The following MCF2L2 variants were observed in gnomAD, a reference collection of about 807,000 sequenced individuals.
MCF2L2 encodes the protein probable guanine nucleotide exchange factor MCF2L2.
Under a neutral mutation model 150.2 loss-of-function variants are expected in MCF2L2, and 102 were observed. The observed-to-expected ratio is 0.68, with a 90% CI of 0.58 to 0.80. The LOEUF is 0.80. Among genes scored for constraint, MCF2L2 ranks in the 30% least tolerant of loss-of-function variants. The probability of loss-of-function intolerance (pLI) is 0.00; values close to 1 mark genes in which losing one functional copy is unlikely to be tolerated. For missense variants in MCF2L2, 1,256 were observed against 1,372.8 expected (o/e 0.91, Z 1.34); for synonymous variants, 465 against 491.3 (o/e 0.95, Z 0.71).
At chr3:183,269,894 G>A in intron 15 of MCF2L2, 1 of 1,613,056 alleles carries the variant, frequency 6.2e-7, no homozygotes, top group Non-Finnish European at 8.5e-7. Context: ...TGTTTTTTTG[G>A]GAACCAATCG....
intron 2 of MCF2L2, among the ~76,000 whole-genome samples, chr3:183,382,148 T>C (rs1171705810): frequency 6.6e-6 from 1 of 152,034 alleles, no homozygotes; most frequent in Non-Finnish European, 1.5e-5. Context: ...AACCTCCGCC[T>C]CCCAGGTTCA....
At chr3:183,357,869 G>A (rs188538061) in intron 3 of MCF2L2, among the ~76,000 whole-genome samples, 5 of 150,434 alleles carry the variant, frequency 3.3e-5, no homozygotes, top group South Asian at 2.1e-4. Flanking sequence ...AAAAAAGGCC[G>A]GCAGACACCC....
intron 21 of MCF2L2, among the ~76,000 whole-genome samples, chr3:183,218,760 G>A (rs944147781): frequency 2.0e-5 from 3 of 151,736 alleles, no homozygotes; most frequent in South Asian, 2.1e-4. Flanking sequence ...CCTTCCTTCC[G>A]CTAACCCTCC....
intron 25 of MCF2L2, among the ~76,000 whole-genome samples, chr3:183,196,807 C>G (rs1722097608): frequency 6.6e-6 from 1 of 152,156 alleles, no homozygotes. Context: ...TTCTTTTTAT[C>G]TAAACCACGT....
chr3:183,293,875 A>T (rs1301531607), intron 13 of MCF2L2, among the ~76,000 whole-genome samples: 2 of 152,002 alleles, frequency 1.3e-5, no homozygotes, highest in Admixed American at 6.6e-5. Flanking sequence ...GGTTAAAAAA[A>T]TGTTAAATGC....
At chr3:183,401,581 C>T (rs1282852031) in intron 1 of MCF2L2, among the ~76,000 whole-genome samples, 2 of 152,196 alleles carry the variant, frequency 1.3e-5, no homozygotes, top group Non-Finnish European at 2.9e-5. Flanking sequence ...CAGAAGATAC[C>T]TTCAAGTCCC....
intron 3 of MCF2L2, among the ~76,000 whole-genome samples, chr3:183,362,774 C>T (rs763304686): frequency 3.3e-5 from 5 of 151,928 alleles, no homozygotes; most frequent in Non-Finnish European, 5.9e-5. Flanking sequence ...GTCAATTAAA[C>T]GCAAGATGCA....
intron 27 of MCF2L2, among the ~76,000 whole-genome samples, chr3:183,186,401 C>T (rs1721695280): frequency 6.6e-6 from 1 of 152,074 alleles, no homozygotes; most frequent in African/African-American, 2.4e-5. Flanking sequence ...TTACAGACAC[C>T]CACCACCATG....
intron 12 of MCF2L2, chr3:183,296,524 G>A (rs946671552): frequency 1.9e-4 from 31 of 159,540 alleles, no homozygotes; most frequent in South Asian, 1.6e-3. Context: ...CTTCCTGAGA[G>A]CCTTCTCTGA....
intron 5 of MCF2L2, among the ~76,000 whole-genome samples, chr3:183,325,488 G>A (rs1729986256): frequency 6.6e-6 from 1 of 152,104 alleles, no homozygotes; most frequent in African/African-American, 2.4e-5. Flanking sequence ...GAATCTATCT[G>A]TGCCTTTCCC....
At chr3:183,223,461 ACATAAAG>A in intron 19 of MCF2L2, 23 bp from the exon 20 acceptor site, 1 of 1,553,564 alleles carries the variant, frequency 6.4e-7, no homozygotes, top group Non-Finnish European at 8.9e-7. Context: ...AATAGAAACA[ACATAAAG>A]CAAAACAAAC....
intron 14 of MCF2L2, among the ~76,000 whole-genome samples, chr3:183,281,678 ATCAG>A (rs1727491294): frequency 6.6e-6 from 1 of 152,050 alleles, no homozygotes; most frequent in Non-Finnish European, 1.5e-5. Context: ...TTTAGTCCAG[ATCAG>A]CTGCCTTGGG....
chr3:183,243,690 GC>G (rs1724129987), intron 15 of MCF2L2, among the ~76,000 whole-genome samples: 3 of 152,138 alleles, frequency 2.0e-5, no homozygotes, highest in Admixed American at 6.5e-5. Flanking sequence ...TAAACTCCTT[GC>G]CTCTCATGAG....
chr3:183,273,269 G>C, intron 15 of MCF2L2: 1 of 347,048 alleles, frequency 2.9e-6, no homozygotes, highest in Non-Finnish European at 5.4e-6. Flanking sequence ...TTTCCATATT[G>C]TTAATTTTAT....
At chr3:183,289,093 C>A in intron 14 of MCF2L2, 27 bp downstream of exon 14, 1 of 1,465,976 alleles carries the variant, frequency 6.8e-7, no homozygotes, top group East Asian at 2.3e-5. Context: ...TCAGGAAGTT[C>A]TATAAGTAAA....
intron 15 of MCF2L2, 79 bp downstream of exon 15, chr3:183,276,793 T>C: frequency 1.1e-6 from 1 of 905,982 alleles, no homozygotes; most frequent in Non-Finnish European, 1.8e-6. Flanking sequence ...AGACAGGTGC[T>C]GAGGTGTAAA....
intron 10 of MCF2L2, among the ~76,000 whole-genome samples, chr3:183,301,259 G>C (rs1728834189): frequency 6.6e-6 from 1 of 152,056 alleles, no homozygotes; most frequent in South Asian, 2.1e-4. Context: ...GAGTTCATTG[G>C]TAAAGAAAGC....
intron 3 of MCF2L2, chr3:183,372,455 G>C (rs1258868895): frequency 6.6e-6 from 1 of 152,130 alleles, no homozygotes; most frequent in Non-Finnish European, 1.5e-5. Flanking sequence ...TCCCTCAACA[G>C]ATTCCGTATA....
chr3:183,216,570 ATATATATATATTTTTTTTT>A (rs1164975986), intron 21 of MCF2L2, among the ~76,000 whole-genome samples: 40 of 26,908 alleles, frequency 1.5e-3, no homozygotes, highest in East Asian at 7.4e-3. Context: ...ATATATATAT[ATATATATATATTTTTTTTT>A]TTTTTTTTTT....
Sources: gnomAD v4.1 joint callset for allele counts (sites outside exome capture counted in the v4.1 genomes callset) on GRCh38, gnomAD v4.1.1 for gene constraint, MANE v1.5 for transcripts, NCBI Gene and HGNC (gene_info 2026-07-23, HGNC 2026-07-21) for gene names.